Variants in SPEF2 observed in about 807,000 individuals in gnomAD.
SPEF2 encodes sperm flagella and cilia-associated protein 2.
SPEF2 carries 187 observed loss-of-function variants against 224.6 expected under a neutral mutation model. The ratio of observed to expected loss-of-function variants is 0.83; its 90% CI spans 0.74 to 0.94. The LOEUF is 0.94. SPEF2 is among the 40% of genes least tolerant of loss of function. The pLI, the probability that SPEF2 is intolerant of heterozygous loss-of-function variation, is 0.00. For synonymous variants in SPEF2, 715 were observed against 707.3 expected (o/e 1.01, Z -0.17); for missense variants, 2,170 against 2,135.6 (o/e 1.02, Z -0.32).
At chr5:35,639,452 C>T (rs1002777848) in intron 2 of SPEF2, among the ~76,000 whole-genome samples, 1 of 152,092 alleles carries the variant, frequency 6.6e-6, no homozygotes, top group African/African-American at 2.4e-5. Flanking sequence ...AATTTTTAGG[C>T]AACTGGTGCC....
intron 6 of SPEF2, among the ~76,000 whole-genome samples, chr5:35,649,762 T>C (rs751720085): frequency 1.3e-5 from 2 of 152,258 alleles, no homozygotes; most frequent in Non-Finnish European, 2.9e-5. Flanking sequence ...AAATCCTTTA[T>C]TAGATTCTAG....
At chr5:35,742,562 T>G (rs1353456900) in intron 23 of SPEF2, among the ~76,000 whole-genome samples, 1 of 151,984 alleles carries the variant, frequency 6.6e-6, no homozygotes, top group African/African-American at 2.4e-5. Context: ...TTTGCCAATT[T>G]AATGGGTAAA....
intron 20 of SPEF2, among the ~76,000 whole-genome samples, chr5:35,721,444 G>A (rs1170234710): frequency 1.3e-5 from 2 of 152,116 alleles, no homozygotes; most frequent in Non-Finnish European, 2.9e-5. Flanking sequence ...TTAATTAAGG[G>A]TGTGGTTAGT....
intron 21 of SPEF2, among the ~76,000 whole-genome samples, chr5:35,732,824 A>C (rs777381374): frequency 6.6e-6 from 1 of 152,216 alleles, no homozygotes; most frequent in Non-Finnish European, 1.5e-5. Flanking sequence ...CCCACAGTAC[A>C]GTACAATGAG....
rs146946987 is a variant in SPEF2 at position 35,813,661 on chromosome 5, C to T, written c.5380-803C>T. ...AAGAAAATGATTCACTATGATTCCT[C>T]GCAGTGACTGATAGAAGCAGTGCAT... On this transcript the variant is annotated intron_variant, in intron 36 of 36. Coordinates refer to ENST00000356031, the MANE Select transcript of SPEF2 (RefSeq NM_024867.4). Among the ~76,000 whole-genome samples the T allele has an allele frequency of 6.6e-5, 10 of 152,218 alleles. No homozygotes were observed. The South Asian group carries it at 1.0e-3, about 16-fold the overall frequency.
intron 30 of SPEF2, 21 bp downstream of exon 30, chr5:35,779,367 GA>G (rs1754014529): frequency 6.4e-7 from 1 of 1,558,336 alleles, no homozygotes; most frequent in South Asian, 1.2e-5. Context: ...TAATTATCAT[GA>G]AAAGAGCACA....
intron 19 of SPEF2, chr5:35,709,396 ACAGAGTAACAGGTAACTTCAGG>A: frequency 2.5e-6 from 3 of 1,192,018 alleles, no homozygotes; most frequent in Non-Finnish European, 3.1e-6. Flanking sequence ...AGGAAAAGGC[ACAGAGTAACAGGTAACTTCAGG>A]CAGATCAAGA....
Position 35,811,358 on chromosome 5 carries a change from T to C in SPEF2, c.5380-3106T>C, listed in dbSNP as rs762867205. Among the ~76,000 whole-genome samples the C allele has an allele frequency of 5.9e-5, 9 of 152,350 alleles. 1 individual carries two copies. Among genetic ancestry groups the C allele is most frequent in the Non-Finnish European group, 4.4e-5 (3 of 68,032 alleles). ...TATTATAAACAGTGGGAAGTGAAGG[T>C]TGTTGCCTAACAGCTCTATGTTTAC... is the stretch of plus-strand genomic sequence containing the variant. On this transcript the variant is annotated intron_variant, in intron 36 of 36. Coordinates refer to ENST00000356031, the MANE Select transcript of SPEF2 (RefSeq NM_024867.4).
chr5:35,618,597 G>A (rs895793603), intron 1 of SPEF2, among the ~76,000 whole-genome samples: 4 of 152,108 alleles, frequency 2.6e-5, no homozygotes, highest in African/African-American at 9.7e-5. Flanking sequence ...TGACCAGCAG[G>A]GGAGGGTGGG....
At chr5:35,809,669 G>A (rs1758417524) in intron 36 of SPEF2, among the ~76,000 whole-genome samples, 1 of 152,188 alleles carries the variant, frequency 6.6e-6, no homozygotes, top group African/African-American at 2.4e-5. Context: ...GAACCCAGAT[G>A]TCACAAAGGG....
intron 30 of SPEF2, chr5:35,789,515 C>G (rs1755660877): frequency 1.5e-6 from 1 of 651,328 alleles, no homozygotes; most frequent in Non-Finnish European, 2.8e-6. Flanking sequence ...CAAAAGAACG[C>G]ATGGTGGATT....
intron 20 of SPEF2, among the ~76,000 whole-genome samples, chr5:35,721,109 T>C (rs1743580745): frequency 6.6e-6 from 1 of 152,214 alleles, no homozygotes; most frequent in Non-Finnish European, 1.5e-5. Flanking sequence ...AGGAAAACCA[T>C]ATAATACCCT....
intron 2 of SPEF2, among the ~76,000 whole-genome samples, chr5:35,636,035 TTAAAA>T (rs1453802441): frequency 1.3e-5 from 2 of 152,170 alleles, no homozygotes; most frequent in Non-Finnish European, 2.9e-5. Flanking sequence ...AACTGGACAT[TTAAAA>T]TAATATAATG....
chr5:35,645,622 T>G (rs971654519), intron 4 of SPEF2, among the ~76,000 whole-genome samples: 2 of 152,166 alleles, frequency 1.3e-5, no homozygotes, highest in African/African-American at 2.4e-5. Context: ...AGTGTTTAAG[T>G]TGAGACCAAT....
intron 2 of SPEF2, among the ~76,000 whole-genome samples, chr5:35,628,828 G>C (rs1238029414): frequency 6.6e-6 from 1 of 152,056 alleles, no homozygotes; most frequent in Non-Finnish European, 1.5e-5. Context: ...CTGGGCTCAA[G>C]AGATCCTCCT....
chr5:35,760,014 TA>T (rs201323006), intron 25 of SPEF2, among the ~76,000 whole-genome samples: 2,917 of 152,260 alleles, frequency 0.019, 95 homozygotes, highest in African/African-American at 0.067. Context: ...ATATATGGTA[TA>T]CACAAATTCT....
chr5:35,793,289 AGGC>A lies in SPEF2; in HGVS notation c.4686_4688del (p.Lys1562_Ala1563delinsAsn). The stretch of plus-strand genomic sequence containing the variant: ...CTCCTTGAGACCCTTCAGAAGTTCA[AGGC>A]TGTGGATAAGGAGCAGTTGGGCACC... On this transcript the variant is annotated inframe_deletion, in exon 32 of 37. Coordinates refer to ENST00000356031, the MANE Select transcript of SPEF2 (RefSeq NM_024867.4). 6.2e-7 allele frequency: 1 copy of A among 1,614,182 alleles called. No homozygotes were observed. The highest frequency in any genetic ancestry group is 1.1e-5 in the South Asian group (1 of 91,088).
intron 20 of SPEF2, among the ~76,000 whole-genome samples, chr5:35,724,390 A>C (rs997881406): frequency 1.3e-5 from 2 of 152,190 alleles, no homozygotes; most frequent in Non-Finnish European, 2.9e-5. Context: ...AAAAAATTTT[A>C]CCAGAAATTT....
chr5:35,785,643 C>G (rs753495986), intron 30 of SPEF2, among the ~76,000 whole-genome samples: 97 of 151,764 alleles, frequency 6.4e-4, no homozygotes, highest in Non-Finnish European at 1.3e-3. Context: ...ACAACCCCCC[C>G]CCACCTCAGC....
Sources: gnomAD v4.1 joint callset for allele counts (sites outside exome capture counted in the v4.1 genomes callset) on GRCh38, gnomAD v4.1.1 for gene constraint, MANE v1.5 for transcripts, NCBI Gene and HGNC (gene_info 2026-07-23, HGNC 2026-07-21) for gene names.